The following PDGFRA variants were observed in gnomAD, a reference collection of about 807,000 sequenced individuals.
The protein encoded by PDGFRA is platelet-derived growth factor receptor alpha.
PDGFRA carries 25 observed loss-of-function variants against 121.5 expected under a neutral mutation model. The observed-to-expected ratio is 0.21, with a 90% CI of 0.15 to 0.29. The LOEUF (loss-of-function observed/expected upper bound fraction) is 0.29. Ranked by LOEUF, PDGFRA falls within the 10% of genes least tolerant of loss-of-function variation. The pLI is 1.00. For missense variants in PDGFRA, 1,008 were observed against 1,345.1 expected (o/e 0.75, Z 3.92); for synonymous variants, 463 against 494.8 (o/e 0.94, Z 0.85).
At chr4:54,273,443 C>G (rs1723513538) in intron 9 of PDGFRA, 94 bp from the exon 10 acceptor site, 1 of 977,084 alleles carries the variant, frequency 1.0e-6, no homozygotes, top group Non-Finnish European at 1.6e-6. Context: ...AGACAAGGTC[C>G]CAACTCCTTG....
At chr4:54,264,738 C>G (rs1034923459) in intron 4 of PDGFRA, 181 bp from the exon 5 acceptor site, 2 of 573,210 alleles carry the variant, frequency 3.5e-6, no homozygotes, top group Non-Finnish European at 6.2e-6. Flanking sequence ...AACTATATGC[C>G]TAATTGTTGT....
chr4:54,250,317 G>A (rs1399984092), intron 1 of PDGFRA, among the ~76,000 whole-genome samples: 3 of 152,114 alleles, frequency 2.0e-5, no homozygotes, highest in East Asian at 1.9e-4. Flanking sequence ...TTTGACAAAC[G>A]TTCCAAACTG....
At chr4:54,232,489 C>A (rs1304993032) in intron 1 of PDGFRA, among the ~76,000 whole-genome samples, 2 of 152,220 alleles carry the variant, frequency 1.3e-5, no homozygotes, top group Admixed American at 1.3e-4. Flanking sequence ...AGTTTCTCGG[C>A]CCCCGCGAAA....
chr4:54,285,261 T>C (rs1724280128), intron 16 of PDGFRA, 110 bp from the exon 17 acceptor site: 1 of 719,062 alleles, frequency 1.4e-6, no homozygotes, highest in Non-Finnish European at 2.6e-6. Flanking sequence ...CTAAACATTC[T>C]ACAAAAAAAT....
intron 10 of PDGFRA, among the ~76,000 whole-genome samples, chr4:54,274,108 G>A (rs1020223815): frequency 1.3e-5 from 2 of 152,180 alleles, no homozygotes; most frequent in African/African-American, 4.8e-5. Context: ...AGGATCTTCT[G>A]TCTCATTGCT....
intron 16 of PDGFRA, chr4:54,281,466 T>C (rs753644516): frequency 3.1e-5 from 18 of 583,028 alleles, no homozygotes; most frequent in Non-Finnish European, 4.8e-5. Flanking sequence ...TCACTTCTCA[T>C]TGCCAAATGG....
rs1259174139 is a variant in PDGFRA at position 54,267,464 on chromosome 4, C to T, written c.931+4C>T. 6.2e-7 allele frequency: 1 copy of T among 1,614,032 alleles called. No homozygotes were observed. Among genetic ancestry groups the T allele is most frequent in the Non-Finnish European group, 8.5e-7 (1 of 1,179,928 alleles). On this transcript the variant is annotated splice_donor_region_variant and intron_variant, in intron 6 of 22. Coordinates refer to ENST00000257290, the MANE Select transcript of PDGFRA (RefSeq NM_006206.6). The stretch of plus-strand genomic sequence containing the variant: ...AAAGTCACTATTTCTGTCCATGGTA[C>T]ATTCCGCTTTCTAAAATGTCAGTTG...
At chr4:54,288,955 G>A in intron 20 of PDGFRA, 54 bp from the exon 21 acceptor site, 1 of 1,516,264 alleles carries the variant, frequency 6.6e-7, no homozygotes, top group Non-Finnish European at 9.2e-7. Context: ...TCTAGGGGGA[G>A]GGAGGGGCCC....
chr4:54,250,832 AG>A (rs771104764), intron 1 of PDGFRA, among the ~76,000 whole-genome samples: 34 of 152,294 alleles, frequency 2.2e-4, no homozygotes, highest in Non-Finnish European at 4.0e-4. Context: ...TGGGAGGCTG[AG>A]GCAGGCAGAT....
Position 54,280,428 on chromosome 4 carries a change from A to T in PDGFRA, c.2269A>T (p.Ile757Phe), listed in dbSNP as rs769048345. The change falls in exon 16 of 23, where the codon ATC becomes TTC. Residue 757 changes from isoleucine to phenylalanine, a missense_variant. Coordinates refer to ENST00000257290, the MANE Select transcript of PDGFRA (RefSeq NM_006206.6). ...GAAAGAGGTTTCTAAATATTCCGAC[A>T]TCCAGAGATCACTCTATGATCGTCC... The part of the protein sequence containing the change: ...ERKEVSKYSD[I>F]QRSLYDRPAS... The T allele has an allele frequency of 6.2e-7, 1 of 1,613,878 alleles. No homozygotes were observed. The highest frequency in any genetic ancestry group is 8.5e-7 in the Non-Finnish European group (1 of 1,179,738).
Position 54,295,128 on chromosome 4 carries a change from G to A in PDGFRA, c.3126G>A (p.Ser1042=), listed in dbSNP as rs141904599. The change falls in exon 23 of 23, where the codon TCG becomes TCA. Residue 1042 remains serine (S), a synonymous_variant. Coordinates refer to ENST00000257290, the MANE Select transcript of PDGFRA (RefSeq NM_006206.6). ...TGCTCTTCTCTCCCTCCTCCAGCTC[G>A]CAGACCTCTGAAGAGAGTGCCATTG... ...EDLGKRNRHS[S]QTSEESAIET... 12 of 1,613,800 alleles carry A rather than the reference G, an allele frequency of 7.4e-6. No individual in the cohort carries two copies. In the African/African-American group the frequency reaches 1.1e-4, roughly 14 times the overall value.
chr4:54,285,747 C>G (rs1724322879), intron 17 of PDGFRA, 94 bp from the exon 18 acceptor site: 2 of 1,376,080 alleles, frequency 1.5e-6, no homozygotes, highest in South Asian at 1.2e-5. Context: ...GCAGACAGCT[C>G]CAAGTGCCAC....
chr4:54,239,279 G>C (rs1017008795), intron 1 of PDGFRA, among the ~76,000 whole-genome samples: 2 of 152,214 alleles, frequency 1.3e-5, no homozygotes, highest in African/African-American at 4.8e-5. Flanking sequence ...CTTGTTGAGC[G>C]TATAATCAAG....
intron 3 of PDGFRA, 76 bp downstream of exon 3, chr4:54,261,488 A>G (rs1168413143): frequency 4.9e-6 from 4 of 817,322 alleles, no homozygotes; most frequent in Non-Finnish European, 7.7e-6. Flanking sequence ...GGTTTTAAAC[A>G]TATATATAAA....
chr4:54,292,845 A>T (rs1724695825), intron 22 of PDGFRA, among the ~76,000 whole-genome samples: 2 of 152,142 alleles, frequency 1.3e-5, no homozygotes, highest in African/African-American at 4.8e-5. Context: ...ACATGGACAC[A>T]AAGAGGGGAA....
intron 1 of PDGFRA, among the ~76,000 whole-genome samples, chr4:54,248,114 C>G (rs562556098): frequency 6.6e-6 from 1 of 152,246 alleles, no homozygotes; most frequent in Admixed American, 6.5e-5. Context: ...TAGGAAGAAT[C>G]AATATCATGA....
chr4:54,281,619 C>G, intron 16 of PDGFRA: 1 of 1,357,256 alleles, frequency 7.4e-7, no homozygotes, highest in Non-Finnish European at 9.7e-7. Context: ...TCAGAGGAAC[C>G]TGAGTCATGC....
chr4:54,258,678 T>A, intron 1 of PDGFRA, 79 bp from the exon 2 acceptor site: 1 of 886,308 alleles, frequency 1.1e-6, no homozygotes, highest in Non-Finnish European at 1.9e-6. Context: ...TTTTCTGTTG[T>A]GCAAAACACA....
intron 1 of PDGFRA, among the ~76,000 whole-genome samples, chr4:54,251,063 C>CA (rs1722029670): frequency 8.2e-6 from 1 of 121,660 alleles, no homozygotes; most frequent in African/African-American, 3.2e-5. Flanking sequence ...GAAACTCCGT[C>CA]TCAAAAAAAA....
Sources: gnomAD v4.1 joint callset for allele counts (sites outside exome capture counted in the v4.1 genomes callset) on GRCh38, gnomAD v4.1.1 for gene constraint, MANE v1.5 for transcripts, NCBI Gene and HGNC (gene_info 2026-07-23, HGNC 2026-07-21) for gene names.